Variants in AFG2A observed in about 807,000 individuals in gnomAD.
AFG2A encodes ATPase family gene 2 protein homolog A.
the AFG2A span, among the ~76,000 whole-genome samples, chr4:122,939,762 C>T: frequency 1.5e-4 from 23 of 152,120 alleles, no homozygotes; most frequent in Admixed American, 1.5e-3. Context: ...GTTATATCTC[C>T]TAATGCTATC....
the AFG2A span, among the ~76,000 whole-genome samples, chr4:123,187,666 C>G: frequency 6.6e-6 from 1 of 151,888 alleles, no homozygotes; most frequent in Admixed American, 6.6e-5. Flanking sequence ...CCTTTATACT[C>G]TAGGTTTTTT....
At chr4:122,963,407 C>G in the AFG2A span, among the ~76,000 whole-genome samples, 1 of 152,144 alleles carries the variant, frequency 6.6e-6, no homozygotes, top group South Asian at 2.1e-4. Flanking sequence ...GGTAAGCACT[C>G]AGTGAGGAAA....
At chr4:122,929,109 A>C in the AFG2A span, 1 of 1,613,732 alleles carries the variant, frequency 6.2e-7, no homozygotes, top group South Asian at 1.1e-5. Flanking sequence ...GGCACAGAAA[A>C]ATGTGGGTGT....
chr4:122,943,372 C>G, the AFG2A span, among the ~76,000 whole-genome samples: 1 of 152,146 alleles, frequency 6.6e-6, no homozygotes, highest in African/African-American at 2.4e-5. Flanking sequence ...TTGAATTGAT[C>G]CCTTTACCAT....
chr4:123,251,701 T>C, the AFG2A span, among the ~76,000 whole-genome samples: 1 of 152,134 alleles, frequency 6.6e-6, no homozygotes, highest in African/African-American at 2.4e-5. Context: ...ATCATCTTTA[T>C]TTCCTAAGTC....
chr4:123,072,363 G>A, the AFG2A span, among the ~76,000 whole-genome samples: 1 of 152,118 alleles, frequency 6.6e-6, no homozygotes, highest in African/African-American at 2.4e-5. Context: ...AGCACTGTGT[G>A]GGAAGTCAGA....
the AFG2A span, among the ~76,000 whole-genome samples, chr4:122,966,481 A>G: frequency 6.6e-6 from 1 of 152,138 alleles, no homozygotes; most frequent in Non-Finnish European, 1.5e-5. Flanking sequence ...CTAAAGTGCT[A>G]TGCTCATTCT....
the AFG2A span, among the ~76,000 whole-genome samples, chr4:123,264,471 C>G: frequency 1.3e-5 from 2 of 152,070 alleles, no homozygotes; most frequent in African/African-American, 2.4e-5. Flanking sequence ...GGATTATATC[C>G]TCTGAGCCAT....
the AFG2A span, among the ~76,000 whole-genome samples, chr4:122,993,995 A>G: frequency 6.6e-6 from 1 of 152,084 alleles, no homozygotes; most frequent in South Asian, 2.1e-4. Context: ...TAGATACCCA[A>G]TCAATATTTG....
chr4:123,018,514 A>C, the AFG2A span, among the ~76,000 whole-genome samples: 1 of 152,202 alleles, frequency 6.6e-6, no homozygotes, highest in Non-Finnish European at 1.5e-5. Context: ...ATAGTGAAAC[A>C]GCTAGCTTTT....
chr4:123,292,550 C>T, the AFG2A span, among the ~76,000 whole-genome samples: 230 of 152,032 alleles, frequency 1.5e-3, no homozygotes, highest in African/African-American at 5.3e-3. Context: ...AAAAAATTCC[C>T]CTTGAGAATG....
At chr4:123,256,870 AAATAATTCTGCAAC>A in the AFG2A span, 1 of 982,132 alleles carries the variant, frequency 1.0e-6, no homozygotes, top group Non-Finnish European at 1.2e-6. Flanking sequence ...AAATTCCATG[AAATAATTCTGCAAC>A]TTTTCTAGCT....
the AFG2A span, among the ~76,000 whole-genome samples, chr4:122,941,188 A>G: frequency 6.6e-5 from 10 of 151,750 alleles, no homozygotes; most frequent in Non-Finnish European, 1.0e-4. Context: ...TGGTAGCTTG[A>G]TGGGGATGGC....
chr4:123,280,129 A>G, the AFG2A span, among the ~76,000 whole-genome samples: 5 of 152,142 alleles, frequency 3.3e-5, no homozygotes, highest in Admixed American at 6.5e-5. Flanking sequence ...CTGGGTTCCA[A>G]TCCTAGCTCT....
chr4:123,140,004 G>A, the AFG2A span, among the ~76,000 whole-genome samples: 1 of 152,034 alleles, frequency 6.6e-6, no homozygotes, highest in Admixed American at 6.5e-5. Flanking sequence ...TCAACAGATA[G>A]GTCACTGAGA....
the AFG2A span, among the ~76,000 whole-genome samples, chr4:123,049,474 C>G: frequency 6.6e-6 from 1 of 152,148 alleles, no homozygotes; most frequent in East Asian, 1.9e-4. Flanking sequence ...GAGAAGACAT[C>G]AAATCCTGTG....
the AFG2A span, among the ~76,000 whole-genome samples, chr4:123,205,852 C>T: frequency 1.3e-5 from 2 of 152,232 alleles, no homozygotes; most frequent in Middle Eastern, 3.4e-3. Flanking sequence ...CAGGGAAAGC[C>T]TTTCATAATC....
chr4:123,235,936 T>C, the AFG2A span, among the ~76,000 whole-genome samples: 8 of 152,200 alleles, frequency 5.3e-5, no homozygotes, highest in African/African-American at 1.7e-4. Context: ...ATAAATTTCT[T>C]TCTTAAGTGG....
At chr4:123,143,731 T>C in the AFG2A span, among the ~76,000 whole-genome samples, 1 of 151,562 alleles carries the variant, frequency 6.6e-6, no homozygotes, top group African/African-American at 2.4e-5. Flanking sequence ...CATTTCTCGG[T>C]GGATGAATGA....
Sources: allele counts gnomAD v4.1 joint callset (sites outside exome capture counted in the v4.1 genomes callset), GRCh38; gene constraint gnomAD v4.1.1; transcripts MANE v1.5; gene names NCBI Gene and HGNC (gene_info 2026-07-23, HGNC 2026-07-21).